The following UNC45A variants were observed in gnomAD, a reference collection of about 807,000 sequenced individuals.
UNC45A encodes the protein unc-45 myosin chaperone A.
In UNC45A, 78 loss-of-function variants were observed where a neutral mutation model predicts 103.2. That is an observed-to-expected ratio of 0.76 (90% CI 0.63 to 0.91). UNC45A has a LOEUF of 0.91. Ranked by LOEUF, UNC45A falls within the 40% of genes least tolerant of loss-of-function variation. The probability of loss-of-function intolerance (pLI) is 0.00; values close to 1 mark genes in which losing one functional copy is unlikely to be tolerated. For synonymous variants in UNC45A, 495 were observed against 504.6 expected, an observed-to-expected ratio of 0.98 and a Z score of 0.25; for missense variants, 1,193 against 1,224.8, an observed-to-expected ratio of 0.97 and a Z score of 0.39.
chr15:90,940,443 G>C lies in UNC45A; in HGVS notation c.657G>C (p.Leu219=). Residue 219 remains leucine, a synonymous_variant, in exon 6 of 20, where the codon CTG becomes CTC. Transcript: ENST00000418476. ...TCATGCTGGCGGCTCTGCGTACGCT[G>C]GTTGGCATTTGCTCTGAGCATCAGT... is the stretch of plus-strand genomic sequence containing the variant. ...TDLMLAALRT[L]VGICSEHQSR... The C allele has an allele frequency of 1.2e-6, 2 of 1,613,834 alleles. No individual in the cohort carries two copies. The highest frequency in any genetic ancestry group is 1.7e-6 in the Non-Finnish European group (2 of 1,179,818).
chr15:90,931,271 C>G, upstream of UNC45A: 5 of 1,550,778 alleles, frequency 3.2e-6, no homozygotes, highest in Non-Finnish European at 4.4e-6. Flanking sequence ...GCTTCAAGCA[C>G]TGATCAGATT....
At chr15:90,931,052 G>A (rs1210579174), upstream of UNC45A, 3 of 537,422 alleles carry the variant, frequency 5.6e-6, no homozygotes, top group Non-Finnish European at 1.0e-5. Context: ...GGGGAGAGGC[G>A]GTGAGTGCAT....
chr15:90,941,161 T>C (rs2036271895), intron 6 of UNC45A, among the ~76,000 whole-genome samples: 1 of 152,106 alleles, frequency 6.6e-6, no homozygotes, highest in Non-Finnish European at 1.5e-5. Context: ...TCAATGTCCA[T>C]ATGGCACAAG....
chr15:90,941,831 C>T (rs907866508), intron 6 of UNC45A, among the ~76,000 whole-genome samples: 5 of 151,908 alleles, frequency 3.3e-5, no homozygotes, highest in South Asian at 2.1e-4. Flanking sequence ...CGGTGGCGGG[C>T]GCCTGTAATC....
upstream of UNC45A, chr15:90,932,570 C>A: frequency 8.2e-7 from 1 of 1,216,512 alleles, no homozygotes; most frequent in Non-Finnish European, 1.0e-6. Context: ...ACTGCGGCCG[C>A]AGGGGCAGGG....
At chr15:90,950,361 T>G in intron 16 of UNC45A, 94 bp downstream of exon 16, 2 of 1,484,616 alleles carry the variant, frequency 1.3e-6, no homozygotes, top group African/African-American at 2.8e-5. Context: ...GCAGGAAGTT[T>G]CAGCTTTGTC....
In UNC45A at chr15:90,953,769, G is replaced by T; in HGVS notation, c.*53G>T. 6.3e-7 allele frequency: 1 copy of T among 1,583,240 alleles called. No individual in the cohort carries two copies. Among genetic ancestry groups the T allele is most frequent in the East Asian group, 2.3e-5 (1 of 43,710 alleles). On this transcript the variant is annotated 3_prime_UTR_variant, in exon 20 of 20. Transcript: ENST00000418476. ...TGCACACGCTACCTATTGTGGCACG[G>T]AGAGTAAGGACGGAAGCAGCTTTGG...
chr15:90,937,424 T>C (rs1369677531), intron 4 of UNC45A, among the ~76,000 whole-genome samples: 17 of 151,828 alleles, frequency 1.1e-4, no homozygotes, highest in Admixed American at 9.8e-4. Context: ...ATCCCCTACA[T>C]AGCAAAACAA....
Position 90,949,382 on chromosome 15 carries a change from G to A in UNC45A, c.1945G>A (p.Val649Met). ...LLAAGVVSAM[V>M]CMVKTESPVL... ...GGCAGCGGGTGTGGTGTCGGCCATGGTGTGCATGGTGAAGACGGAGAGCCC... is the reference window on the plus strand; with the variant it reads ...GGCAGCGGGTGTGGTGTCGGCCATGATGTGCATGGTGAAGACGGAGAGCCC... The change falls in exon 14 of 20, where the codon GTG becomes ATG. Residue 649 changes from valine to methionine, a missense_variant. Val to Met is a conservative substitution (Grantham distance 21, BLOSUM62 1). Transcript: ENST00000418476. 2.5e-6 allele frequency: 4 copies of A among 1,613,762 alleles called. No homozygotes were observed. Among genetic ancestry groups the A allele is most frequent in the Non-Finnish European group, 3.4e-6 (4 of 1,180,012 alleles).
chr15:90,932,650 A>G (rs2035847004), upstream of UNC45A: 7 of 603,866 alleles, frequency 1.2e-5, no homozygotes, highest in Non-Finnish European at 1.7e-5. Context: ...CAGCGGGCCG[A>G]GTTGGGCCTG....
chr15:90,946,267 AAAAAG>A (rs2036563938), intron 9 of UNC45A, among the ~76,000 whole-genome samples: 1 of 151,692 alleles, frequency 6.6e-6, no homozygotes, highest in Non-Finnish European at 1.5e-5. Flanking sequence ...AAAAAAAAAA[AAAAAG>A]AAAGAAAAAA....
At position 90,943,000 on chromosome 15, in the gene UNC45A, C is replaced by A; in HGVS notation, c.945C>A (p.Ala315=). The A allele has an allele frequency of 6.2e-7, 1 of 1,614,200 alleles. No homozygotes were observed. The highest frequency in any genetic ancestry group is 8.5e-7 in the Non-Finnish European group (1 of 1,180,024). ...TCTCTGGCCAAGGCCGAGACAATGCCCTGACCCTCCTGATTAAAGCGGTGC... is the reference window on the plus strand; with the variant it reads ...TCTCTGGCCAAGGCCGAGACAATGCACTGACCCTCCTGATTAAAGCGGTGC... ...VGVSGQGRDN[A]LTLLIKAVPR... Residue 315 remains alanine, a synonymous_variant, in exon 8 of 20, where the codon GCC becomes GCA. Coordinates refer to ENST00000418476, the MANE Select transcript of UNC45A (RefSeq NM_018671.5).
At chr15:90,938,104 C>G (rs1316206701) in intron 4 of UNC45A, among the ~76,000 whole-genome samples, 1 of 152,114 alleles carries the variant, frequency 6.6e-6, no homozygotes, top group African/African-American at 2.4e-5. Flanking sequence ...GCCAAATATG[C>G]ATTTTTGTTT....
At chr15:90,950,995 T>C (rs2036875282) in intron 17 of UNC45A, among the ~76,000 whole-genome samples, 2 of 150,040 alleles carry the variant, frequency 1.3e-5, no homozygotes, top group South Asian at 2.1e-4. Context: ...CATTGTGCCA[T>C]ATCAGTATAT....
chr15:90,950,157 C>G lies in UNC45A; in HGVS notation c.2077C>G (p.Leu693Val), dbSNP rs1353334311. The change falls in exon 16 of 20, where the codon CTG becomes GTG. Residue 693 changes from leucine (L) to valine (V), a missense_variant. By Grantham distance (32) the Leu-to-Val change is conservative (BLOSUM62 1). Coordinates refer to ENST00000418476, the MANE Select transcript of UNC45A (RefSeq NM_018671.5). ...AGTGACGGGCTTGTTCCTACAGGCG[C>G]TGATCCCGCTGGCCCTGGAAGGCAC... ...TVVAQGGGRA[L>V]IPLALEGTDV... 3 of 1,551,362 alleles carry G rather than the reference C, an allele frequency of 1.9e-6. No homozygotes were observed. Among genetic ancestry groups the G allele is most frequent in the Non-Finnish European group, 2.6e-6 (3 of 1,146,992 alleles).
upstream of UNC45A, chr15:90,931,299 G>T: frequency 6.4e-7 from 1 of 1,550,952 alleles, no homozygotes; most frequent in South Asian, 1.2e-5. Flanking sequence ...CCCGCTGCTT[G>T]AACAGATGCT....
chr15:90,933,459 G>C (rs2035876897), upstream of UNC45A: 1 of 152,206 alleles, frequency 6.6e-6, no homozygotes, highest in African/African-American at 2.4e-5. Context: ...TGTGAGAGGG[G>C]GTTCCCTATT....
chr15:90,935,885 C>T, intron 2 of UNC45A, 61 bp from the exon 3 acceptor site: 2 of 1,611,226 alleles, frequency 1.2e-6, no homozygotes, highest in Non-Finnish European at 1.7e-6. Flanking sequence ...ACCCCTGCTG[C>T]CTGGTTAGTG....
chr15:90,944,878 G>T lies in UNC45A; in HGVS notation c.1028-14G>T. ...GAACTAGTGTTCTACTGTCTAAGCG[G>T]GGTGTCTTTACAGGTCTGAAAAAGA... On this transcript the variant is annotated splice_polypyrimidine_tract_variant and intron_variant, in intron 8 of 19. Transcript: ENST00000418476. The T allele has an allele frequency of 6.2e-7, 1 of 1,610,624 alleles. No homozygotes were observed. Among genetic ancestry groups the T allele is most frequent in the South Asian group, 1.1e-5 (1 of 90,910 alleles).
Sources: allele counts gnomAD v4.1 joint callset (sites outside exome capture counted in the v4.1 genomes callset), GRCh38; gene constraint gnomAD v4.1.1; transcripts MANE v1.5; gene names NCBI Gene and HGNC (gene_info 2026-07-23, HGNC 2026-07-21).